Variants in CDH4 observed in about 807,000 individuals in gnomAD.
CDH4 encodes the protein cadherin-4.
A neutral mutation model predicts 86.0 loss-of-function variants in CDH4; 33 were observed. The ratio of observed to expected loss-of-function variants is 0.38; its 90% CI spans 0.29 to 0.51. CDH4 has a LOEUF of 0.51. Among genes scored for constraint, CDH4 ranks in the 20% least tolerant of loss-of-function variants. CDH4 has a pLI of 0.86. For missense variants in CDH4, 1,114 were observed against 1,307.4 expected (o/e 0.85, Z 2.28); for synonymous variants, 555 against 549.4 (o/e 1.01, Z -0.14).
intron 5 of CDH4, among the ~76,000 whole-genome samples, chr20:61,845,943 G>C (rs1214903193): frequency 6.6e-6 from 1 of 152,266 alleles, no homozygotes; most frequent in Non-Finnish European, 1.5e-5. Context: ...AGGCTGCATA[G>C]GGGCAGGGAA....
chr20:61,532,634 G>A (rs1362525575), intron 2 of CDH4, among the ~76,000 whole-genome samples: 3 of 152,198 alleles, frequency 2.0e-5, no homozygotes, highest in Non-Finnish European at 4.4e-5. Context: ...CCAGAAATCA[G>A]TTAAAAGCAA....
chr20:61,800,699 G>T (rs6089508), intron 4 of CDH4, among the ~76,000 whole-genome samples: 1 of 152,042 alleles, frequency 6.6e-6, no homozygotes, highest in South Asian at 2.1e-4. Context: ...GGCAGTGCCC[G>T]GCTCAAGGCA....
intron 4 of CDH4, among the ~76,000 whole-genome samples, chr20:61,831,109 C>T (rs955399588): frequency 1.3e-5 from 2 of 152,182 alleles, no homozygotes; most frequent in African/African-American, 2.4e-5. Flanking sequence ...TGCTTGAAAT[C>T]GATCTTCTCA....
chr20:61,309,355 T>G (rs1040818850), intron 2 of CDH4, among the ~76,000 whole-genome samples: 2 of 63,100 alleles, frequency 3.2e-5, no homozygotes, highest in African/African-American at 8.8e-5. Context: ...GCTGTCTTCC[T>G]CGAGTTTCCA....
At chr20:61,661,760 C>A (rs1319321092) in intron 2 of CDH4, among the ~76,000 whole-genome samples, 1 of 152,172 alleles carries the variant, frequency 6.6e-6, no homozygotes, top group Non-Finnish European at 1.5e-5. Flanking sequence ...GACTGACCAT[C>A]TTTGAGTGTC....
chr20:61,386,625 C>A (rs1299467945), intron 2 of CDH4, among the ~76,000 whole-genome samples: 1 of 152,234 alleles, frequency 6.6e-6, no homozygotes, highest in East Asian at 1.9e-4. Context: ...TCCTAGAGAA[C>A]TGCACATGGA....
chr20:61,645,938 T>C (rs1240120753), intron 2 of CDH4, among the ~76,000 whole-genome samples: 2 of 151,970 alleles, frequency 1.3e-5, no homozygotes, highest in Non-Finnish European at 2.9e-5. Flanking sequence ...CTGAGGGTGG[T>C]GGATAAGAGG....
At chr20:61,556,313 C>A (rs2086177129) in intron 2 of CDH4, among the ~76,000 whole-genome samples, 1 of 152,172 alleles carries the variant, frequency 6.6e-6, no homozygotes, top group South Asian at 2.1e-4. Flanking sequence ...AGTGGAGAAT[C>A]TCTCAGGCCT....
intron 3 of CDH4, among the ~76,000 whole-genome samples, chr20:61,770,454 G>C (rs1187238530): frequency 6.6e-6 from 1 of 152,242 alleles, no homozygotes. Flanking sequence ...CAACCACGAA[G>C]ACTGGAGAGG....
intron 2 of CDH4, among the ~76,000 whole-genome samples, chr20:61,379,847 A>T (rs916929235): frequency 2.0e-5 from 3 of 152,250 alleles, no homozygotes; most frequent in Admixed American, 2.0e-4. Flanking sequence ...GATATTAAAC[A>T]AAAATAAAAA....
At chr20:61,718,477 G>C (rs111234209) in intron 2 of CDH4, 1 of 262,576 alleles carries the variant, frequency 3.8e-6, no homozygotes, top group South Asian at 4.8e-5. Context: ...TAAGGCTGAC[G>C]CTGGTTAGAG....
chr20:61,309,650 G>A (rs2084435154), intron 2 of CDH4, among the ~76,000 whole-genome samples: 1 of 152,188 alleles, frequency 6.6e-6, no homozygotes, highest in African/African-American at 2.4e-5. Context: ...GTACCTTTTT[G>A]TGTTCCTATT....
At chr20:61,281,495 AGT>A (rs2084258669) in intron 2 of CDH4, among the ~76,000 whole-genome samples, 1 of 152,202 alleles carries the variant, frequency 6.6e-6, no homozygotes. Context: ...ATGAGCAACC[AGT>A]GTCTGTTGTT....
rs2085159840 is a variant in CDH4 at position 61,418,532 on chromosome 20, GTTAT to G, written c.169+163597_169+163600del. On this transcript the variant is annotated intron_variant, in intron 2 of 15. Coordinates refer to ENST00000614565, the MANE Select transcript of CDH4 (RefSeq NM_001794.5). Reference sequence around the variant, plus strand: ...GGCCAAACTTTTTTGACTAAGTGAGGTTATTGTGTGAGCTGGTTTTCCTCCCCAA... The same window carrying G: ...GGCCAAACTTTTTTGACTAAGTGAGGTGTGTGAGCTGGTTTTCCTCCCCAA... Among the ~76,000 whole-genome samples the G allele has an allele frequency of 4.6e-5, 7 of 152,264 alleles. 1 individual carries two copies. The South Asian group carries it at 1.2e-3, about 27-fold the overall frequency.
In CDH4 at chr20:61,373,177, C is replaced by T. The variant is rs576159095; in HGVS notation, c.169+118240C>T. 7.9e-5 allele frequency among the ~76,000 whole-genome samples: 12 copies of T among 152,292 alleles called. No homozygotes were observed. In the East Asian group the frequency reaches 1.7e-3, roughly 22 times the overall value. ...TCTGTGTGGCCGACACTCCCGCCCCCGTCTCAACACCCAGGTGTGTGTCCT... is the reference window on the plus strand; with the variant it reads ...TCTGTGTGGCCGACACTCCCGCCCCTGTCTCAACACCCAGGTGTGTGTCCT... On this transcript the variant is annotated intron_variant, in intron 2 of 15. Coordinates refer to ENST00000614565, the MANE Select transcript of CDH4 (RefSeq NM_001794.5).
At chr20:61,772,161 GAGA>G (rs1186862021) in intron 3 of CDH4, among the ~76,000 whole-genome samples, 3 of 152,184 alleles carry the variant, frequency 2.0e-5, no homozygotes, top group Non-Finnish European at 4.4e-5. Context: ...CCTTCTGTCA[GAGA>G]AGAACCCAGG....
intron 2 of CDH4, among the ~76,000 whole-genome samples, chr20:61,605,832 T>A (rs2086640944): frequency 6.7e-6 from 1 of 149,650 alleles, no homozygotes; most frequent in Non-Finnish European, 1.5e-5. Flanking sequence ...AGAATCTGGA[T>A]CCTTGTACAG....
chr20:61,484,300 T>C (rs1170826443), intron 2 of CDH4, among the ~76,000 whole-genome samples: 1 of 152,140 alleles, frequency 6.6e-6, no homozygotes, highest in African/African-American at 2.4e-5. Context: ...GAAATGCAAA[T>C]ATGCACTCTT....
chr20:61,519,630 C>T (rs112763984), intron 2 of CDH4, among the ~76,000 whole-genome samples: 1 of 152,260 alleles, frequency 6.6e-6, no homozygotes, highest in Non-Finnish European at 1.5e-5. Flanking sequence ...GGCAGCGCTG[C>T]CTCTCGGGCT....
Sources: allele counts gnomAD v4.1 joint callset (sites outside exome capture counted in the v4.1 genomes callset), GRCh38; gene constraint gnomAD v4.1.1; transcripts MANE v1.5; gene names NCBI Gene and HGNC (gene_info 2026-07-23, HGNC 2026-07-21).